The following FGF12 variants were observed in gnomAD, a reference collection of about 807,000 sequenced individuals.
FGF12 encodes fibroblast growth factor 12B.
In FGF12, 14 loss-of-function variants were observed where a neutral mutation model predicts 23.6. That is an observed-to-expected ratio of 0.59 (90% CI 0.39 to 0.93). The LOEUF (loss-of-function observed/expected upper bound fraction) is 0.93, where lower values mean the gene tolerates loss of function less well. Ranked by LOEUF, FGF12 falls within the 40% of genes least tolerant of loss-of-function variation. FGF12 has a pLI of 0.00. For missense variants in FGF12, 175 were observed against 217.8 expected (o/e 0.80, Z 1.24); for synonymous variants, 62 against 77.3 (o/e 0.80, Z 1.04).
chr3:192,690,652 CA>C (rs968987735), intron 2 of FGF12, among the ~76,000 whole-genome samples: 3 of 147,604 alleles, frequency 2.0e-5, no homozygotes, highest in African/African-American at 7.5e-5. Flanking sequence ...GAAGGATCTA[CA>C]AAATATCCAG....
chr3:192,384,267 T>TA (rs1446443970), intron 2 of FGF12, among the ~76,000 whole-genome samples: 6 of 152,102 alleles, frequency 3.9e-5, no homozygotes, highest in African/African-American at 1.4e-4. Flanking sequence ...CAGAATTTGT[T>TA]AAAAGGTTAA....
At chr3:192,181,989 A>G (rs1716206399) in intron 4 of FGF12, among the ~76,000 whole-genome samples, 1 of 152,206 alleles carries the variant, frequency 6.6e-6, no homozygotes, top group African/African-American at 2.4e-5. Flanking sequence ...GAACATAATG[A>G]ATAAACAATA....
Position 192,514,635 on chromosome 3 carries a change from G to A in FGF12, c.14-154097C>T. The A allele has an allele frequency of 1.1e-6, 1 of 950,238 alleles. No homozygotes were observed. Among genetic ancestry groups the A allele is most frequent in the Non-Finnish European group, 1.3e-6 (1 of 797,920 alleles). The allele number at this position is 950,238 out of a possible 1,614,324, so 58.9% of individuals were successfully genotyped here. On this transcript the variant is annotated intron_variant, in intron 2 of 5. Transcript: ENST00000445105. The surrounding 1 kb of genome is among the most constrained non-coding windows in gnomAD (Gnocchi z 4.9). ...AGAAGGGAAGGGGGCATTCTGCAGT[G>A]TTTGGGGGCTGGGGAAAGAACATTT...
chr3:192,445,794 G>A (rs974933086), intron 2 of FGF12, among the ~76,000 whole-genome samples: 3 of 152,090 alleles, frequency 2.0e-5, no homozygotes, highest in African/African-American at 7.2e-5. Flanking sequence ...TTGGCAGCAC[G>A]GCCACCAGAA....
chr3:192,627,839 T>G (rs945270475), intron 2 of FGF12, among the ~76,000 whole-genome samples: 64 of 147,510 alleles, frequency 4.3e-4, no homozygotes, highest in African/African-American at 1.5e-3. Context: ...TGACTTGTAC[T>G]CTGTGTGTGT....
At chr3:192,205,854 G>C (rs1203493385) in intron 4 of FGF12, among the ~76,000 whole-genome samples, 1 of 152,126 alleles carries the variant, frequency 6.6e-6, no homozygotes, top group East Asian at 1.9e-4. Flanking sequence ...TCCCTGCAGG[G>C]ACACAGAAGA....
rs1429205864 is a variant in FGF12, at chr3:192,229,002, T to C, written c.229-58346A>G. 2.7e-4 allele frequency among the ~76,000 whole-genome samples: 41 copies of C among 152,024 alleles called. 1 individual carries two copies. The highest frequency in any genetic ancestry group is 5.0e-4 in the Non-Finnish European group (34 of 67,932). ...AGCATAATCCTCATGTTACAGTTGA[T>C]CAGATAATTTCAGGCTATGGTAGAG... On this transcript the variant is annotated intron_variant, in intron 4 of 5. Coordinates refer to ENST00000445105, the MANE Select transcript of FGF12 (RefSeq NM_004113.6).
intron 2 of FGF12, among the ~76,000 whole-genome samples, chr3:192,466,872 G>C (rs193176775): frequency 7.2e-4 from 110 of 152,248 alleles, no homozygotes; most frequent in Admixed American, 1.4e-3. Context: ...AATGTGGTTT[G>C]TAGACAGACA....
At chr3:192,675,904 C>A (rs1420635784) in intron 2 of FGF12, among the ~76,000 whole-genome samples, 1 of 152,196 alleles carries the variant, frequency 6.6e-6, no homozygotes, top group Non-Finnish European at 1.5e-5. Flanking sequence ...TTAGCAAAAT[C>A]CACTGGTGCC....
intron 2 of FGF12, among the ~76,000 whole-genome samples, chr3:192,393,494 A>G (rs531203257): frequency 6.6e-6 from 1 of 152,342 alleles, no homozygotes; most frequent in East Asian, 1.9e-4. Context: ...CTGATTTTGT[A>G]TTATACTTCA....
chr3:192,316,343 C>T (rs1045423568), intron 4 of FGF12, among the ~76,000 whole-genome samples: 1 of 152,158 alleles, frequency 6.6e-6, no homozygotes, highest in African/African-American at 2.4e-5. Context: ...CTTCATATCA[C>T]TGAAAGAGGC....
At chr3:192,538,266 T>G (rs56181360) in intron 2 of FGF12, among the ~76,000 whole-genome samples, 40,411 of 151,592 alleles carry the variant, frequency 0.27, 5,618 homozygotes, top group Middle Eastern at 0.43. Context: ...GTTTTTTTTC[T>G]TTTGTTTTGT....
chr3:192,461,796 C>A (rs1257070619), intron 2 of FGF12, among the ~76,000 whole-genome samples: 1 of 152,112 alleles, frequency 6.6e-6, no homozygotes, highest in Non-Finnish European at 1.5e-5. Context: ...TGAGACCAGT[C>A]TGGCCAACAT....
intron 2 of FGF12, among the ~76,000 whole-genome samples, chr3:192,512,835 A>AATAAATATATATATATATATAT (rs35779279): frequency 1.0e-4 from 8 of 76,766 alleles, no homozygotes; most frequent in African/African-American, 4.5e-4. Context: ...TACTCAAATA[A>AATAAATATATATATATATATAT]ATATATATAT....
chr3:192,568,096 G>A (rs1015565136), intron 2 of FGF12, among the ~76,000 whole-genome samples: 9 of 152,074 alleles, frequency 5.9e-5, no homozygotes, highest in African/African-American at 2.2e-4. Flanking sequence ...GCCTCCCAAA[G>A]TGCTGAGATT....
intron 5 of FGF12, among the ~76,000 whole-genome samples, chr3:192,158,407 C>CTTTCT (rs1560171627): frequency 9.8e-4 from 11 of 11,236 alleles, no homozygotes; most frequent in South Asian, 0.011. Flanking sequence ...CTTTCTTTTT[C>CTTTCT]TTTCTTTCTC....
At chr3:192,297,257 A>G (rs765575760) in intron 4 of FGF12, among the ~76,000 whole-genome samples, 3 of 152,218 alleles carry the variant, frequency 2.0e-5, no homozygotes, top group Admixed American at 6.5e-5. Flanking sequence ...GCTATGAAGC[A>G]AAAATTTTAA....
intron 5 of FGF12, among the ~76,000 whole-genome samples, chr3:192,150,676 T>G (rs537141252): frequency 0.011 from 1,691 of 150,042 alleles, 28 homozygotes; most frequent in African/African-American, 0.038. Context: ...TTGATCTATA[T>G]CTCTGTTTTG....
chr3:192,378,884 A>AT (rs914252270), intron 2 of FGF12, among the ~76,000 whole-genome samples: 28 of 151,960 alleles, frequency 1.8e-4, no homozygotes, highest in African/African-American at 6.5e-4. Flanking sequence ...CCCAATAGTT[A>AT]TTTTTTCTGC....
Sources: gnomAD v4.1 joint callset for allele counts (sites outside exome capture counted in the v4.1 genomes callset) on GRCh38, gnomAD v4.1.1 for gene constraint, Gnocchi (gnomAD v3.1) non-coding constraint, MANE v1.5 for transcripts, NCBI Gene and HGNC (gene_info 2026-07-23, HGNC 2026-07-21) for gene names.